The following PCDHGA7 variants were observed in gnomAD, a reference collection of about 807,000 sequenced individuals.
PCDHGA7 encodes protocadherin gamma subfamily A, 7.
In PCDHGA7, 44 loss-of-function variants were observed where a neutral mutation model predicts 58.3. The ratio of observed to expected loss-of-function variants is 0.75; its 90% confidence interval spans 0.59 to 0.97. The LOEUF (loss-of-function observed/expected upper bound fraction) is 0.97. Ranked by LOEUF, PCDHGA7 falls within the 50% of genes least tolerant of loss-of-function variation. The pLI is 0.00. For synonymous variants in PCDHGA7, 516 were observed against 504.2 expected, an observed-to-expected ratio of 1.02 and a Z score of -0.31; for missense variants, 1,266 against 1,188.7, an observed-to-expected ratio of 1.06 and a Z score of -0.96.
chr5:141,394,302 C>T (rs1380425662), intron 1 of PCDHGA7: 1 of 1,614,010 alleles, frequency 6.2e-7, no homozygotes, highest in Non-Finnish European at 8.5e-7. Flanking sequence ...GGACACGCTG[C>T]AGGGGGCGCC....
In PCDHGA7 at chr5:141,419,702, G is replaced by A. The variant is rs116279995; in HGVS notation, c.2424+34379G>A. 1.9e-3 allele frequency: 3,028 copies of A among 1,612,950 alleles called. 48 individuals are homozygous for A. In the African/African-American group the frequency reaches 0.033, roughly 18 times the overall value. The stretch of plus-strand genomic sequence containing the variant: ...CCACGTGGTGCAGGCCAGTGAGCCC[G>A]GGCTCTTCAGCCTGGGGCTGCGAAC... On this transcript the variant is annotated intron_variant, in intron 1 of 3. Transcript: ENST00000518325.
intron 1 of PCDHGA7, chr5:141,388,158 A>T (rs763395906): frequency 3.4e-5 from 50 of 1,469,960 alleles, no homozygotes; most frequent in Non-Finnish European, 4.7e-5. Flanking sequence ...CAGGCTAGAC[A>T]GGGAGGAGAT....
chr5:141,495,109 C>A (rs1445945970), intron 2 of PCDHGA7, among the ~76,000 whole-genome samples: 3 of 152,278 alleles, frequency 2.0e-5, no homozygotes, highest in South Asian at 2.1e-4. Context: ...CGACCGGCAC[C>A]TTTTCCTATC....
intron 1 of PCDHGA7, among the ~76,000 whole-genome samples, chr5:141,439,422 A>C (rs1476209707): frequency 6.6e-6 from 1 of 152,188 alleles, no homozygotes; most frequent in Non-Finnish European, 1.5e-5. Context: ...TGAGGTTATA[A>C]ATTCCCAGGA....
intron 1 of PCDHGA7, 129 bp from the exon 2 acceptor site, chr5:141,494,678 G>T: frequency 1.3e-6 from 2 of 1,554,384 alleles, no homozygotes; most frequent in East Asian, 4.7e-5. Flanking sequence ...GTCCACCCCT[G>T]CCCCCTCTTA....
At chr5:141,402,212 A>C (rs1282581389) in intron 1 of PCDHGA7, among the ~76,000 whole-genome samples, 1 of 152,138 alleles carries the variant, frequency 6.6e-6, no homozygotes, top group Non-Finnish European at 1.5e-5. Flanking sequence ...ACAAAAATTT[A>C]AAATAAACGT....
chr5:141,423,185 C>T (rs996177363), intron 1 of PCDHGA7: 7 of 1,613,492 alleles, frequency 4.3e-6, no homozygotes, highest in Non-Finnish European at 5.9e-6. Context: ...CACGGCCAGC[C>T]CCCTCTCTCG....
At chr5:141,388,487 C>T in intron 1 of PCDHGA7, 1 of 1,613,776 alleles carries the variant, frequency 6.2e-7, no homozygotes, top group Non-Finnish European at 8.5e-7. Flanking sequence ...CACCTTTGGA[C>T]AGAGAAAAGC....
At chr5:141,415,502 A>C (rs1162629839) in intron 1 of PCDHGA7, 6 of 1,614,086 alleles carry the variant, frequency 3.7e-6, no homozygotes, top group Admixed American at 1.7e-5. Flanking sequence ...ATCTTCCCCC[A>C]GCCCAATTAT....
At chr5:141,460,231 G>A (rs911633731) in intron 1 of PCDHGA7, among the ~76,000 whole-genome samples, 3 of 152,028 alleles carry the variant, frequency 2.0e-5, no homozygotes, top group Non-Finnish European at 4.4e-5. Context: ...CTTTTGAAGA[G>A]CAGAAGATGT....
At chr5:141,474,557 G>T (rs1261720500) in intron 1 of PCDHGA7, among the ~76,000 whole-genome samples, 2 of 152,184 alleles carry the variant, frequency 1.3e-5, no homozygotes, top group Admixed American at 1.3e-4. Context: ...AAAACTGGGG[G>T]TTTTCAGAGA....
chr5:141,490,243 G>A lies in PCDHGA7; in HGVS notation c.2425-4564G>A, dbSNP rs1431165990. 1 of 1,614,238 alleles carries A rather than the reference G, an allele frequency of 6.2e-7. No individual in the cohort carries two copies. The highest frequency in any genetic ancestry group is 8.5e-7 in the Non-Finnish European group (1 of 1,180,038). The stretch of plus-strand genomic sequence containing the variant: ...ACAGCCTGCCATGGAGGGCCACTGT[G>A]TGATTCAAGTGGATGTGGGGGATGT... On this transcript the variant is annotated intron_variant, in intron 1 of 3. Coordinates refer to ENST00000518325, the MANE Select transcript of PCDHGA7 (RefSeq NM_018920.4). This position sits in a 1 kb window ranked among gnomAD's most constrained non-coding sequence, Gnocchi z 5.4.
chr5:141,390,358 G>A lies in PCDHGA7; in HGVS notation c.2424+5035G>A, dbSNP rs934109377. ...TATTCACAAGAAAATATACATATTT[G>A]CAGGAAAATATATAATTTTTAGATG... is the stretch of plus-strand genomic sequence containing the variant. On this transcript the variant is annotated intron_variant, in intron 1 of 3. Coordinates refer to ENST00000518325, the MANE Select transcript of PCDHGA7 (RefSeq NM_018920.4). The A allele has an allele frequency of 3.9e-6, 6 of 1,540,796 alleles. No homozygotes were observed. In the African/African-American group the frequency reaches 8.3e-5, roughly 21 times the overall value.
rs751145850 is a variant in PCDHGA7 at position 141,432,148 on chromosome 5, G to A, written c.2424+46825G>A. The A allele has an allele frequency of 6.1e-5, 99 of 1,613,884 alleles. No individual in the cohort carries two copies. The Admixed American group carries it at 1.5e-3, about 24-fold the overall frequency. On this transcript the variant is annotated intron_variant, in intron 1 of 3. Transcript: ENST00000518325. The surrounding 1 kb of genome is among the most constrained non-coding windows in gnomAD (Gnocchi z 6.0). ...CCTCCTATTCCGCTTATATCCCAGA[G>A]AACAATCCCAGAGGAGTTTCCCTCG...
intron 1 of PCDHGA7, chr5:141,430,868 G>A (rs1414256124): frequency 6.3e-7 from 1 of 1,597,104 alleles, no homozygotes; most frequent in Admixed American, 1.8e-5. Context: ...TTCAGTTCCG[G>A]AAGAGCTGGA....
At chr5:141,417,882 G>A (rs1170069976) in intron 1 of PCDHGA7, 8 of 1,560,746 alleles carry the variant, frequency 5.1e-6, no homozygotes, top group African/African-American at 1.4e-5. Flanking sequence ...TGCGCGCAGA[G>A]GCGCCGGGCC....
intron 1 of PCDHGA7, among the ~76,000 whole-genome samples, chr5:141,446,739 T>A (rs1292920572): frequency 2.6e-5 from 4 of 152,180 alleles, no homozygotes; most frequent in African/African-American, 7.2e-5. Flanking sequence ...AGTGTGGGGA[T>A]TACAGGCGTG....
In PCDHGA7 at chr5:141,432,647, C is replaced by T; in HGVS notation, c.2424+47324C>T. On this transcript the variant is annotated intron_variant, in intron 1 of 3. Coordinates refer to ENST00000518325, the MANE Select transcript of PCDHGA7 (RefSeq NM_018920.4). This position sits in a 1 kb window ranked among gnomAD's most constrained non-coding sequence, Gnocchi z 6.0. ...GCACACGGGCGAGGTGCGCACGGCG[C>T]GAGCCCTGCTGGACAGAGACGCGCT... 3 of 1,613,796 alleles carry T rather than the reference C, an allele frequency of 1.9e-6. No homozygotes were observed. Among genetic ancestry groups the T allele is most frequent in the Admixed American group, 1.7e-5 (1 of 60,008 alleles).
At chr5:141,398,670 A>T in intron 1 of PCDHGA7, 1 of 1,613,830 alleles carries the variant, frequency 6.2e-7, no homozygotes, top group Non-Finnish European at 8.5e-7. Flanking sequence ...TCTCATTAAT[A>T]ATTAAGGAGA....
Sources: allele counts gnomAD v4.1 joint callset (sites outside exome capture counted in the v4.1 genomes callset), GRCh38; gene constraint gnomAD v4.1.1; non-coding constraint Gnocchi (gnomAD v3.1); transcripts MANE v1.5; gene names NCBI Gene and HGNC (gene_info 2026-07-23, HGNC 2026-07-21).